NREP: variants seen among roughly 807,000 people sequenced by gnomAD.
NREP encodes neuronal regeneration-related protein.
NREP carries 5 observed loss-of-function variants against 8.6 expected under a neutral mutation model. The observed-to-expected ratio is 0.58, with a 90% CI of 0.30 to 1.22. The LOEUF (loss-of-function observed/expected upper bound fraction) is 1.22. Among genes scored for constraint, NREP ranks in the 50% most tolerant of loss-of-function variants. The pLI is 0.07. For missense variants in NREP, 86 were observed against 82.5 expected (o/e 1.04, Z -0.17); for synonymous variants, 27 against 28.0 (o/e 0.96, Z 0.11).
At chr5:111,933,294 G>A (rs1366285106) in intron 2 of NREP, among the ~76,000 whole-genome samples, 2 of 152,080 alleles carry the variant, frequency 1.3e-5, no homozygotes, top group African/African-American at 4.8e-5. Flanking sequence ...TGGTTCAAAT[G>A]AGGACACAGA....
chr5:111,851,404 G>A (rs971303762), intron 2 of NREP, among the ~76,000 whole-genome samples: 4 of 152,066 alleles, frequency 2.6e-5, no homozygotes, highest in Non-Finnish European at 5.9e-5. Flanking sequence ...CTTTCCTAAG[G>A]TTACCAAAGT....
chr5:111,873,969 A>C (rs1426889302), intron 2 of NREP, among the ~76,000 whole-genome samples: 1 of 151,820 alleles, frequency 6.6e-6, no homozygotes, highest in Non-Finnish European at 1.5e-5. Flanking sequence ...AGGTGGAGAC[A>C]GAGACAAACA....
intron 2 of NREP, among the ~76,000 whole-genome samples, chr5:111,781,371 C>T (rs1017213737): frequency 6.6e-6 from 1 of 152,126 alleles, no homozygotes; most frequent in Non-Finnish European, 1.5e-5. Flanking sequence ...GGAAAGGCCA[C>T]GTGTTTGTAT....
At chr5:111,836,777 G>C (rs1341762039) in intron 2 of NREP, among the ~76,000 whole-genome samples, 1 of 152,010 alleles carries the variant, frequency 6.6e-6, no homozygotes, top group Non-Finnish European at 1.5e-5. Context: ...TGGTAACTGA[G>C]GAGGAAAAAG....
At chr5:111,840,107 A>G (rs1478488348) in intron 2 of NREP, among the ~76,000 whole-genome samples, 1 of 152,090 alleles carries the variant, frequency 6.6e-6, no homozygotes. Flanking sequence ...AGGTATAATG[A>G]CGTAAGTATA....
intron 2 of NREP, among the ~76,000 whole-genome samples, chr5:111,794,395 T>G (rs559801457): frequency 2.0e-5 from 3 of 152,338 alleles, no homozygotes; most frequent in East Asian, 3.9e-4. Flanking sequence ...AGCACTTTAC[T>G]CATAATTGCC....
chr5:111,873,404 C>T (rs935125734), intron 2 of NREP, among the ~76,000 whole-genome samples: 3 of 152,132 alleles, frequency 2.0e-5, no homozygotes, highest in African/African-American at 7.2e-5. Flanking sequence ...ATCAGGGTAT[C>T]CACAAGCCAT....
chr5:111,814,533 G>A (rs1464985211), intron 2 of NREP, among the ~76,000 whole-genome samples: 1 of 152,062 alleles, frequency 6.6e-6, no homozygotes, highest in Non-Finnish European at 1.5e-5. Context: ...TAGGATTAAA[G>A]TACTCCCCAG....
chr5:111,878,543 C>A lies in NREP; in HGVS notation c.135+96731G>T, dbSNP rs188028029. 2.2e-3 allele frequency among the ~76,000 whole-genome samples: 333 copies of A among 152,312 alleles called. 2 individuals carry two copies. Among genetic ancestry groups the A allele is most frequent in the African/African-American group, 7.6e-3 (314 of 41,588 alleles). ...TGACACGTGGGGATTATGGGGATTA[C>A]AATTCAAGATGAGATTTGGGTGGGG... On this transcript the variant is annotated intron_variant, in intron 2 of 3. Transcript: ENST00000395634.
At chr5:111,767,803 C>T (rs765630880) in intron 2 of NREP, among the ~76,000 whole-genome samples, 7 of 152,036 alleles carry the variant, frequency 4.6e-5, no homozygotes, top group Non-Finnish European at 8.8e-5. Context: ...GTAGATGGAA[C>T]TACAGGCTTG....
At chr5:111,747,465 G>A (rs1441823515) in intron 2 of NREP, among the ~76,000 whole-genome samples, 1 of 152,178 alleles carries the variant, frequency 6.6e-6, no homozygotes, top group Non-Finnish European at 1.5e-5. Flanking sequence ...ACCTGCTCCA[G>A]TAATCAAAGG....
chr5:111,914,079 G>T (rs996590474), intron 2 of NREP, among the ~76,000 whole-genome samples: 3 of 152,234 alleles, frequency 2.0e-5, no homozygotes, highest in African/African-American at 7.2e-5. Context: ...AGAGGCAAAA[G>T]TTGGCACCAA....
At chr5:111,890,917 G>A (rs1336893417) in intron 2 of NREP, among the ~76,000 whole-genome samples, 4 of 152,226 alleles carry the variant, frequency 2.6e-5, no homozygotes, top group South Asian at 2.1e-4. Flanking sequence ...TTGGCTATCA[G>A]CACTTGCCTC....
chr5:111,953,432 G>T (rs555198746), intron 2 of NREP, among the ~76,000 whole-genome samples: 1 of 152,166 alleles, frequency 6.6e-6, no homozygotes, highest in African/African-American at 2.4e-5. Context: ...TGCATCACTG[G>T]CAACCTCCTC....
chr5:111,904,659 A>G (rs562734173), intron 2 of NREP, among the ~76,000 whole-genome samples: 1 of 152,252 alleles, frequency 6.6e-6, no homozygotes, highest in South Asian at 2.1e-4. Flanking sequence ...TCATCATAAA[A>G]TGTGGCTCCA....
chr5:111,965,950 C>T (rs546901576), intron 2 of NREP, among the ~76,000 whole-genome samples: 4 of 152,094 alleles, frequency 2.6e-5, no homozygotes, highest in African/African-American at 9.7e-5. Context: ...AATGATAGCA[C>T]AGGTTGAAGC....
At chr5:111,753,058 C>CAA (rs922857798) in intron 2 of NREP, among the ~76,000 whole-genome samples, 1 of 143,840 alleles carries the variant, frequency 7.0e-6, no homozygotes, top group Non-Finnish European at 1.5e-5. Context: ...CTACTAATTG[C>CAA]AAAAAAAAAC....
At chr5:111,854,306 C>T (rs550511007) in intron 2 of NREP, among the ~76,000 whole-genome samples, 63 of 152,244 alleles carry the variant, frequency 4.1e-4, no homozygotes, top group African/African-American at 1.5e-3. Context: ...GAGCACATAT[C>T]CCAAGTCCAC....
At chr5:111,954,965 G>A (rs1756266854) in intron 2 of NREP, among the ~76,000 whole-genome samples, 1 of 152,192 alleles carries the variant, frequency 6.6e-6, no homozygotes. Flanking sequence ...ATGGGAGTTT[G>A]TTAAATTAAT....
Sources: gnomAD v4.1 joint callset for allele counts (sites outside exome capture counted in the v4.1 genomes callset) on GRCh38, gnomAD v4.1.1 for gene constraint, MANE v1.5 for transcripts, NCBI Gene and HGNC (gene_info 2026-07-23, HGNC 2026-07-21) for gene names.